Variants in NCMAP observed in about 807,000 individuals in gnomAD.
The protein encoded by NCMAP is non-compact myelin associated protein.
In NCMAP, 8 loss-of-function variants were observed where a neutral mutation model predicts 7.8. The ratio of observed to expected loss-of-function variants is 1.02; its 90% CI spans 0.60 to 1.84. The LOEUF (loss-of-function observed/expected upper bound fraction) is 1.84, where lower values mean the gene tolerates loss of function less well. Among genes scored for constraint, NCMAP ranks in the 40% most tolerant of loss-of-function variants. NCMAP has a pLI of 0.00. For missense variants in NCMAP, 112 were observed against 131.4 expected, an observed-to-expected ratio of 0.85 and a Z score of 0.72; for synonymous variants, 41 against 52.9, an observed-to-expected ratio of 0.78 and a Z score of 0.98.
intron 1 of NCMAP, among the ~76,000 whole-genome samples, chr1:24,585,518 A>T (rs1570529207): frequency 6.6e-6 from 1 of 152,208 alleles, no homozygotes; most frequent in East Asian, 1.9e-4. Context: ...TTGTGAAGCT[A>T]TGAACAGTTC....
In NCMAP at chr1:24,573,953, A is replaced by C. The variant is rs1408269948; in HGVS notation, c.-8+17784A>C. On this transcript the variant is annotated intron_variant, in intron 1 of 3. Coordinates refer to ENST00000374392, the MANE Select transcript of NCMAP (RefSeq NM_001010980.5). ...ACTCTGCTGGGGACCCAGAGAGGACAAAAAAAAAAAAAAAAAAACAGAAAA... is the reference window on the plus strand; with the variant it reads ...ACTCTGCTGGGGACCCAGAGAGGACCAAAAAAAAAAAAAAAAAACAGAAAA... 2.7e-4 allele frequency among the ~76,000 whole-genome samples: 6 copies of C among 22,032 alleles called. No individual in the cohort carries two copies. In the South Asian group the frequency reaches 1.0e-2, roughly 37 times the overall value. The allele number at this position is 22,032 out of a possible 152,430, so 14.5% of individuals were successfully genotyped here.
chr1:24,575,752 C>A (rs1651536726), intron 1 of NCMAP, among the ~76,000 whole-genome samples: 1 of 151,482 alleles, frequency 6.6e-6, no homozygotes, highest in Non-Finnish European at 1.5e-5. Flanking sequence ...TTGAGACCAG[C>A]CTGACCAGCA....
intron 1 of NCMAP, among the ~76,000 whole-genome samples, chr1:24,592,923 T>C (rs144257724): frequency 3.3e-5 from 5 of 151,158 alleles, no homozygotes; most frequent in Non-Finnish European, 7.4e-5. Flanking sequence ...CTCACGCCTG[T>C]AATCCCAGCA....
intron 1 of NCMAP, among the ~76,000 whole-genome samples, chr1:24,560,448 G>T (rs1288615156): frequency 6.6e-6 from 1 of 152,130 alleles, no homozygotes; most frequent in Non-Finnish European, 1.5e-5. Context: ...CTCCACCTGG[G>T]GTGTTTCCTT....
chr1:24,595,423 G>A lies in NCMAP; in HGVS notation c.-7-1G>A, dbSNP rs779651105. The A allele has an allele frequency of 6.2e-7, 1 of 1,602,242 alleles. No individual in the cohort carries two copies. Among genetic ancestry groups the A allele is most frequent in the Non-Finnish European group, 8.6e-7 (1 of 1,169,476 alleles). Reference sequence around the variant, plus strand: ...CAAAATATCTTCTTCTTTCTCATCAGGATCGAGATGACCACAGCCACCCCT... The same window carrying A: ...CAAAATATCTTCTTCTTTCTCATCAAGATCGAGATGACCACAGCCACCCCT... On this transcript the variant is annotated splice_acceptor_variant, in intron 1 of 3. Coordinates refer to ENST00000374392, the MANE Select transcript of NCMAP (RefSeq NM_001010980.5). LOFTEE classifies it low-confidence loss of function (5UTR_SPLICE).
At chr1:24,600,447 C>T (rs1298222686) in intron 2 of NCMAP, among the ~76,000 whole-genome samples, 3 of 152,220 alleles carry the variant, frequency 2.0e-5, no homozygotes, top group African/African-American at 7.2e-5. Context: ...AGCCACTGCA[C>T]CTGGCTGATA....
At chr1:24,572,752 C>A (rs1651426671) in intron 1 of NCMAP, among the ~76,000 whole-genome samples, 1 of 150,840 alleles carries the variant, frequency 6.6e-6, no homozygotes, top group South Asian at 2.1e-4. Context: ...CCAGCTCACA[C>A]TTGCCTCGCA....
intron 3 of NCMAP, among the ~76,000 whole-genome samples, chr1:24,602,540 C>T (rs1238438317): frequency 8.2e-6 from 1 of 122,426 alleles, no homozygotes; most frequent in African/African-American, 4.2e-5. Flanking sequence ...ACAGCACTCC[C>T]GCCTGGGCGA....
rs919046557 is a variant in NCMAP at position 24,576,243 on chromosome 1, G to A, written c.-7-19181G>A. 6.6e-6 allele frequency among the ~76,000 whole-genome samples: 1 copy of A among 152,204 alleles called. No homozygotes were observed. Among genetic ancestry groups the A allele is most frequent in the East Asian group, 1.9e-4 (1 of 5,186 alleles). On this transcript the variant is annotated intron_variant, in intron 1 of 3. Transcript: ENST00000374392. This position sits in a 1 kb window ranked among gnomAD's most constrained non-coding sequence, Gnocchi z 4.0. ...ATCCCACCTCCTGACAAAGCTGGGG[G>A]CTGGCACTGCTGCTTGAGAGGGTGG...
chr1:24,600,468 A>C (rs1652442821), intron 2 of NCMAP, among the ~76,000 whole-genome samples: 1 of 152,224 alleles, frequency 6.6e-6, no homozygotes, highest in Admixed American at 6.5e-5. Flanking sequence ...GATATTTACC[A>C]TGCATCAACA....
chr1:24,603,842 A>G (rs1445493182), intron 3 of NCMAP, among the ~76,000 whole-genome samples: 1 of 152,224 alleles, frequency 6.6e-6, no homozygotes, highest in Non-Finnish European at 1.5e-5. Flanking sequence ...TAATTAGTCA[A>G]TTGTTCTGTG....
In NCMAP at chr1:24,605,734, TGG is replaced by T; in HGVS notation, c.297_298del (p.Glu100AspfsTer33). ...ACCTTCAGTCCTGTTGACGTCCAGG[TGG>T]AGACGCGATGACCTCTACCCTGGCG... On this transcript the variant is annotated frameshift_variant, in exon 4 of 4. Transcript: ENST00000374392. LOFTEE classifies it high-confidence loss of function. 6.2e-7 allele frequency: 1 copy of T among 1,614,092 alleles called. No individual in the cohort carries two copies. Among genetic ancestry groups the T allele is most frequent in the Non-Finnish European group, 8.5e-7 (1 of 1,180,012 alleles).
chr1:24,579,110 GC>G (rs1651675590), intron 1 of NCMAP, among the ~76,000 whole-genome samples: 1 of 151,976 alleles, frequency 6.6e-6, no homozygotes, highest in Non-Finnish European at 1.5e-5. Flanking sequence ...TGGAATCCCT[GC>G]CCTTCTCTTG....
intron 3 of NCMAP, among the ~76,000 whole-genome samples, chr1:24,604,939 A>AC (rs1209940699): frequency 6.6e-6 from 1 of 151,500 alleles, no homozygotes; most frequent in African/African-American, 2.4e-5. Context: ...ACATGTTGAA[A>AC]CCCCATCTCT....
At chr1:24,562,376 G>C (rs1651079361) in intron 1 of NCMAP, among the ~76,000 whole-genome samples, 1 of 152,184 alleles carries the variant, frequency 6.6e-6, no homozygotes, top group Non-Finnish European at 1.5e-5. Context: ...AAGAAACTGA[G>C]GCTTGGAAAG....
At chr1:24,604,312 C>T (rs1033544277) in intron 3 of NCMAP, among the ~76,000 whole-genome samples, 1 of 151,838 alleles carries the variant, frequency 6.6e-6, no homozygotes, top group Admixed American at 6.6e-5. Context: ...CAGTGGCTCA[C>T]GCCTATAATC....
In NCMAP at chr1:24,606,828, C is replaced by G. The variant is rs897067155; in HGVS notation, c.*1081C>G. 1 of 152,118 alleles carries G rather than the reference C, an allele frequency of 6.6e-6. No individual in the cohort carries two copies. The highest frequency in any genetic ancestry group is 6.6e-5 in the Admixed American group (1 of 15,252). 9.4% of individuals were successfully genotyped at this position (152,118 alleles called of 1,614,324 possible). ...TGTGGCCTTGGAAAAGTGACTCAAC[C>G]TCTTTATATTCAGTTTCCTAACCAT... On this transcript the variant is annotated 3_prime_UTR_variant, in exon 4 of 4. Coordinates refer to ENST00000374392, the MANE Select transcript of NCMAP (RefSeq NM_001010980.5).
intron 1 of NCMAP, among the ~76,000 whole-genome samples, chr1:24,573,970 A>T (rs1283368831): frequency 7.0e-6 from 1 of 143,014 alleles, no homozygotes. Context: ...AAAAAAAAAA[A>T]ACAGAAAAAA....
intron 3 of NCMAP, among the ~76,000 whole-genome samples, chr1:24,604,118 G>C (rs1473361545): frequency 6.6e-6 from 1 of 152,186 alleles, no homozygotes; most frequent in Non-Finnish European, 1.5e-5. Context: ...GAGTCCTTAT[G>C]ACCTAAACTC....
Sources: allele counts gnomAD v4.1 joint callset (sites outside exome capture counted in the v4.1 genomes callset), GRCh38; gene constraint gnomAD v4.1.1; non-coding constraint Gnocchi (gnomAD v3.1); transcripts MANE v1.5; gene names NCBI Gene and HGNC (gene_info 2026-07-23, HGNC 2026-07-21).